The following BBX variants were observed in gnomAD, a reference collection of about 807,000 sequenced individuals.
BBX encodes the protein BBX high mobility group box domain containing.
BBX carries 30 observed loss-of-function variants against 100.2 expected under a neutral mutation model. The observed-to-expected ratio is 0.30, with a 90% confidence interval of 0.22 to 0.41. BBX has a LOEUF of 0.41. Ranked by LOEUF, BBX falls within the 10% of genes least tolerant of loss-of-function variation. The probability of loss-of-function intolerance (pLI) is 1.00; values close to 1 mark genes in which losing one functional copy is unlikely to be tolerated. For synonymous variants in BBX, 376 were observed against 388.1 expected, an observed-to-expected ratio of 0.97 and a Z score of 0.37; for missense variants, 1,023 against 1,129.8, an observed-to-expected ratio of 0.91 and a Z score of 1.35.
intron 2 of BBX, among the ~76,000 whole-genome samples, chr3:107,614,220 G>T (rs1263854701): frequency 6.6e-6 from 1 of 151,984 alleles, no homozygotes; most frequent in Non-Finnish European, 1.5e-5. Flanking sequence ...AAAGTGCTGG[G>T]ATTATAGGCG....
At chr3:107,740,505 G>A (rs1388989225) in intron 7 of BBX, among the ~76,000 whole-genome samples, 1 of 151,798 alleles carries the variant, frequency 6.6e-6, no homozygotes, top group Non-Finnish European at 1.5e-5. Context: ...CCCAGACAGC[G>A]TCACCCTGCA....
intron 3 of BBX, among the ~76,000 whole-genome samples, chr3:107,668,133 C>G (rs2107902724): frequency 6.6e-6 from 1 of 152,140 alleles, no homozygotes; most frequent in Middle Eastern, 3.4e-3. Flanking sequence ...GAATTGGGAC[C>G]CTTCTAGGAA....
intron 2 of BBX, among the ~76,000 whole-genome samples, chr3:107,592,919 C>G (rs2053435578): frequency 6.6e-6 from 1 of 152,044 alleles, no homozygotes; most frequent in Admixed American, 6.5e-5. Flanking sequence ...TTTCAAAGAT[C>G]TACTTGATCT....
chr3:107,776,477 T>C (rs1304107652), intron 12 of BBX: 2 of 152,166 alleles, frequency 1.3e-5, no homozygotes, highest in African/African-American at 4.8e-5. Flanking sequence ...CTTTCTCCCT[T>C]TAAATATTGG....
intron 3 of BBX, among the ~76,000 whole-genome samples, chr3:107,661,388 C>T (rs2058436539): frequency 6.6e-6 from 1 of 152,116 alleles, no homozygotes; most frequent in African/African-American, 2.4e-5. Context: ...TTGGGCAAGT[C>T]ACATTACCTC....
chr3:107,567,079 T>C (rs1483395770), intron 2 of BBX, among the ~76,000 whole-genome samples: 1 of 152,148 alleles, frequency 6.6e-6, no homozygotes, highest in Admixed American at 6.5e-5. Context: ...ATTTTTTTTG[T>C]CTGTTATTTC....
At position 107,658,888 on chromosome 3, in the gene BBX, T is replaced by G. The variant is rs143391676; in HGVS notation, c.-10+12979T>G. ...AGACCTGAGATTCAAATCCAGCTCA[T>G]TCTTGCTTTCAAAGACTATATTCTT... On this transcript the variant is annotated intron_variant, in intron 3 of 17. Transcript: ENST00000325805. Among the ~76,000 whole-genome samples the G allele has an allele frequency of 3.3e-3, 497 of 152,260 alleles. 1 individual carries two copies. The highest frequency in any genetic ancestry group is 5.0e-3 in the Non-Finnish European group (338 of 68,000).
At chr3:107,698,063 G>A (rs1014881520) in intron 3 of BBX, among the ~76,000 whole-genome samples, 4 of 151,672 alleles carry the variant, frequency 2.6e-5, no homozygotes, top group East Asian at 1.9e-4. Flanking sequence ...GCTCGTGCAC[G>A]GTGCGCGCAC....
chr3:107,732,704 G>T (rs1446703184), intron 6 of BBX, among the ~76,000 whole-genome samples: 1 of 152,186 alleles, frequency 6.6e-6, no homozygotes, highest in Non-Finnish European at 1.5e-5. Context: ...GTTACAAACA[G>T]CAATGGTATT....
intron 2 of BBX, among the ~76,000 whole-genome samples, chr3:107,544,727 T>C (rs661196): frequency 0.12 from 17,494 of 150,224 alleles, 1,122 homozygotes; most frequent in African/African-American, 0.14. Context: ...AAAATTTGAC[T>C]GGGCATGGTG....
chr3:107,564,592 G>C (rs915960049), intron 2 of BBX, among the ~76,000 whole-genome samples: 5 of 152,010 alleles, frequency 3.3e-5, no homozygotes, highest in African/African-American at 1.2e-4. Context: ...CCTCCACACA[G>C]GGGGTGGACA....
rs1454313220 is a variant in BBX, at chr3:107,807,996, T to G, written c.*2539T>G. ...TGAGTAAAGTCTTGATTTCAATAATTGTGCTTCTCATGCCCTGAAACTGCT... is the reference window on the plus strand; with the variant it reads ...TGAGTAAAGTCTTGATTTCAATAATGGTGCTTCTCATGCCCTGAAACTGCT... On this transcript the variant is annotated 3_prime_UTR_variant, in exon 18 of 18. Coordinates refer to ENST00000325805, the MANE Select transcript of BBX (RefSeq NM_001142568.3). The G allele has an allele frequency of 4.6e-5, 7 of 152,222 alleles. No homozygotes were observed. The highest frequency in any genetic ancestry group is 7.2e-5 in the African/African-American group (3 of 41,448). 9.4% of individuals were successfully genotyped at this position (152,222 alleles called of 1,614,324 possible).
chr3:107,771,990 C>A (rs1405088166), intron 10 of BBX, among the ~76,000 whole-genome samples: 1 of 151,948 alleles, frequency 6.6e-6, no homozygotes, highest in Non-Finnish European at 1.5e-5. Context: ...TTTTTGTGTA[C>A]CAACAAGAAG....
chr3:107,732,852 C>A, intron 6 of BBX, 104 bp from the exon 7 acceptor site: 1 of 907,110 alleles, frequency 1.1e-6, no homozygotes, highest in Non-Finnish European at 1.7e-6. Context: ...ATATGTGGTT[C>A]TGTTGGATTT....
intron 2 of BBX, among the ~76,000 whole-genome samples, chr3:107,643,964 C>T (rs1205933003): frequency 6.6e-6 from 1 of 152,126 alleles, no homozygotes; most frequent in Non-Finnish European, 1.5e-5. Flanking sequence ...TACCATGATT[C>T]CTTCGTTATT....
At position 107,564,403 on chromosome 3, in the gene BBX, T is replaced by A. The variant is rs1357173284; in HGVS notation, c.-84+38005T>A. On this transcript the variant is annotated intron_variant, in intron 2 of 17. Coordinates refer to ENST00000325805, the MANE Select transcript of BBX (RefSeq NM_001142568.3). ...GGGGATGTTGACAGTTTGCAGGTAG[T>A]CAACTTTATCAATTTTTCCCTTTTT... is the stretch of plus-strand genomic sequence containing the variant. Among the ~76,000 whole-genome samples, 3 of 152,222 alleles carry A rather than the reference T, an allele frequency of 2.0e-5. No homozygotes were observed. In the East Asian group the frequency reaches 5.8e-4, roughly 29 times the overall value.
chr3:107,696,985 C>T (rs186660026), intron 3 of BBX, among the ~76,000 whole-genome samples: 2,492 of 151,864 alleles, frequency 0.016, 132 homozygotes, highest in African/African-American at 0.055. Context: ...TCCATTTGAT[C>T]GCATCAGCTC....
intron 3 of BBX, among the ~76,000 whole-genome samples, chr3:107,679,507 T>C (rs753388150): frequency 2.6e-5 from 4 of 152,048 alleles, no homozygotes; most frequent in Non-Finnish European, 5.9e-5. Context: ...GCACCTAATA[T>C]ATGCCAGGCA....
chr3:107,798,722 TAAG>T lies in BBX; in HGVS notation c.2551+7_2551+9del. On this transcript the variant is annotated splice_donor_5th_base_variant and intron_variant, in intron 16 of 17. Coordinates refer to ENST00000325805, the MANE Select transcript of BBX (RefSeq NM_001142568.3). ...TATCACCAGCAGGAGGTACTTTGGGTAAGAAGAGAGAGCTTTAGACCAGAGGTG... is the reference window on the plus strand; with the variant it reads ...TATCACCAGCAGGAGGTACTTTGGGTAAGAGAGAGCTTTAGACCAGAGGTG... 6.2e-7 allele frequency: 1 copy of T among 1,612,662 alleles called. No homozygotes were observed. Among genetic ancestry groups the T allele is most frequent in the Non-Finnish European group, 8.5e-7 (1 of 1,179,738 alleles).
Sources: gnomAD v4.1 joint callset for allele counts (sites outside exome capture counted in the v4.1 genomes callset) on GRCh38, gnomAD v4.1.1 for gene constraint, MANE v1.5 for transcripts, NCBI Gene and HGNC (gene_info 2026-07-23, HGNC 2026-07-21) for gene names.